POGLUT3: variants seen among roughly 807,000 people sequenced by gnomAD.
The protein encoded by POGLUT3 is protein O-glucosyltransferase 3, also known as KDEL (Lys-Asp-Glu-Leu) containing 2.
A neutral mutation model predicts 54.3 loss-of-function variants in POGLUT3; 48 were observed. The ratio of observed to expected loss-of-function variants is 0.88; its 90% CI spans 0.70 to 1.12. The LOEUF is 1.12. POGLUT3 is among the 50% of genes most tolerant of loss of function. The pLI, the probability that POGLUT3 is intolerant of heterozygous loss-of-function variation, is 0.00. For synonymous variants in POGLUT3, 218 were observed against 237.4 expected (o/e 0.92, Z 0.75); for missense variants, 629 against 618.7 (o/e 1.02, Z -0.18).
chr11:108,480,443 C>T (rs908477137), intron 5 of POGLUT3, among the ~76,000 whole-genome samples: 1 of 152,196 alleles, frequency 6.6e-6, no homozygotes, highest in Non-Finnish European at 1.5e-5. Flanking sequence ...GTATTATTAA[C>T]CCCTTCTTTT....
At chr11:108,486,102 T>A (rs1232367390) in intron 3 of POGLUT3, 55 bp downstream of exon 3, 7 of 1,363,134 alleles carry the variant, frequency 5.1e-6, no homozygotes, top group Non-Finnish European at 7.2e-6. Context: ...TTCTAAACAT[T>A]TAAATGTTAT....
At chr11:108,489,800 G>T (rs1464068893) in intron 2 of POGLUT3, among the ~76,000 whole-genome samples, 1 of 152,156 alleles carries the variant, frequency 6.6e-6, no homozygotes, top group Non-Finnish European at 1.5e-5. Context: ...TTTTTAATTA[G>T]CTGGGCATGG....
chr11:108,480,837 A>G (rs2093590903), intron 5 of POGLUT3, among the ~76,000 whole-genome samples: 1 of 152,112 alleles, frequency 6.6e-6, no homozygotes, highest in Non-Finnish European at 1.5e-5. Flanking sequence ...TTTATAAAAG[A>G]CATTTGAGAT....
chr11:108,493,241 T>A (rs1427183050), intron 1 of POGLUT3, among the ~76,000 whole-genome samples: 1 of 152,238 alleles, frequency 6.6e-6, no homozygotes, highest in Non-Finnish European at 1.5e-5. Flanking sequence ...AAAGTTACAT[T>A]TCAAAATGTA....
intron 5 of POGLUT3, among the ~76,000 whole-genome samples, chr11:108,480,896 A>AG (rs1431669739): frequency 1.3e-5 from 1 of 74,848 alleles, no homozygotes; most frequent in East Asian, 6.1e-4. Context: ...AAGCAAATAC[A>AG]AAAAAAAAAA....
At chr11:108,496,931 C>CTGTGCTTCTGCACA in intron 1 of POGLUT3, among the ~76,000 whole-genome samples, 1 of 152,392 alleles carries the variant, frequency 6.6e-6, no homozygotes, top group African/African-American at 2.4e-5. Context: ...TCCTACGCCT[C>CTGTGCTTCTGCACA]TGTGCTTCTG....
intron 1 of POGLUT3, among the ~76,000 whole-genome samples, chr11:108,493,458 A>T (rs2093616547): frequency 2.0e-5 from 3 of 152,218 alleles, no homozygotes; most frequent in African/African-American, 4.8e-5. Context: ...AATTCCTTCA[A>T]ATGGAAGGCA....
In POGLUT3 at chr11:108,474,913, CACGT is replaced by C; in HGVS notation, c.1434_1437del (p.Arg479MetfsTer47). On this transcript the variant is annotated frameshift_variant, in exon 8 of 8. Transcript: ENST00000323468. LOFTEE classifies it high-confidence loss of function. Reference sequence around the variant, plus strand: ...GGCTGAGGAACAAGTTCCATTCCATCACGTACTTCGGGTTTGCTGGACTGGCGCT... The same window carrying C: ...GGCTGAGGAACAAGTTCCATTCCATCACTTCGGGTTTGCTGGACTGGCGCT... 1 of 1,614,062 alleles carries C rather than the reference CACGT, an allele frequency of 6.2e-7. No individual in the cohort carries two copies. The highest frequency in any genetic ancestry group is 1.3e-5 in the African/African-American group (1 of 75,030).
intron 2 of POGLUT3, among the ~76,000 whole-genome samples, chr11:108,490,723 C>G (rs889820863): frequency 2.6e-5 from 4 of 151,996 alleles, no homozygotes; most frequent in Admixed American, 2.6e-4. Flanking sequence ...AAATATGGAT[C>G]TACACAAAGG....
Position 108,482,142 on chromosome 11 carries a change from G to T in POGLUT3, c.765C>A (p.Ser255Arg). Residue 255 changes from serine to arginine, a missense_variant, in exon 4 of 8, where the codon AGC becomes AGA. Ser to Arg is a moderately radical substitution (Grantham distance 110). Transcript: ENST00000323468. ...CACACCATGAAATGATAGGTATGGG[G>T]CTAGGGGTTCCATTGACTTTTCGAT... ...LEHRKVNGTP[S>R]PIPIISWCGS... The T allele has an allele frequency of 6.2e-7, 1 of 1,614,022 alleles. No individual in the cohort carries two copies. Among genetic ancestry groups the T allele is most frequent in the Non-Finnish European group, 8.5e-7 (1 of 1,179,910 alleles).
At chr11:108,475,268 C>G (rs1447441204) in intron 7 of POGLUT3, among the ~76,000 whole-genome samples, 1 of 152,106 alleles carries the variant, frequency 6.6e-6, no homozygotes. Flanking sequence ...TTATTTTCCA[C>G]TTGTTATTGA....
chr11:108,488,580 A>G (rs937153725), intron 2 of POGLUT3, among the ~76,000 whole-genome samples: 1 of 152,200 alleles, frequency 6.6e-6, no homozygotes. Context: ...GAAGCACTGC[A>G]CAGAGAGAAC....
Position 108,473,009 on chromosome 11 carries a change from G to A in POGLUT3, c.*1818C>T, listed in dbSNP as rs2093572703. Reference sequence around the variant, plus strand: ...TAACCACTTTAAAAATAGTTACATTGTTTTCCAGATTAAGTAAATATTTCA... The same window carrying A: ...TAACCACTTTAAAAATAGTTACATTATTTTCCAGATTAAGTAAATATTTCA... On this transcript the variant is annotated 3_prime_UTR_variant, in exon 8 of 8. Transcript: ENST00000323468. The A allele has an allele frequency of 6.6e-6, 1 of 152,098 alleles. No homozygotes were observed. Among genetic ancestry groups the A allele is most frequent in the Non-Finnish European group, 1.5e-5 (1 of 68,020 alleles). 9.4% of individuals were successfully genotyped at this position (152,098 alleles called of 1,614,324 possible).
intron 1 of POGLUT3, 137 bp from the exon 2 acceptor site, chr11:108,491,304 G>A (rs2093612880): frequency 2.8e-6 from 2 of 703,388 alleles, no homozygotes; most frequent in Admixed American, 5.3e-5. Flanking sequence ...CATTTCCTTT[G>A]GAAGATCTTT....
chr11:108,486,022 C>T, intron 3 of POGLUT3, 135 bp downstream of exon 3: 1 of 678,706 alleles, frequency 1.5e-6, no homozygotes, highest in Non-Finnish European at 2.5e-6. Context: ...ACATGATGAA[C>T]ACTCAGGTTG....
chr11:108,473,288 C>T lies in POGLUT3; in HGVS notation c.*1539G>A, dbSNP rs2093573492. ...GCCAGGCTGGTCTCAAACTCCTGACCTCAAAAGATCCGCCCATCTCGGCCT... is the reference window on the plus strand; with the variant it reads ...GCCAGGCTGGTCTCAAACTCCTGACTTCAAAAGATCCGCCCATCTCGGCCT... On this transcript the variant is annotated 3_prime_UTR_variant, in exon 8 of 8. Transcript: ENST00000323468. 1 of 152,230 alleles carries T rather than the reference C, an allele frequency of 6.6e-6. No homozygotes were observed. 9.4% of individuals were successfully genotyped at this position (152,230 alleles called of 1,614,324 possible).
In POGLUT3 at chr11:108,486,438, G is replaced by C; in HGVS notation, c.403C>G (p.Pro135Ala). 6.2e-7 allele frequency: 1 copy of C among 1,610,630 alleles called. No individual in the cohort carries two copies. Among genetic ancestry groups the C allele is most frequent in the African/African-American group, 1.3e-5 (1 of 74,860 alleles). ...CACTCACAGTACTCATGGTACACTG[G>C]TCCTAGGGAAGGAAAACATGAAAAA... Reference protein sequence around the residue: ...VAQSPYILKGPVYHEYCECPE... With the variant: ...VAQSPYILKGAVYHEYCECPE... The change falls in exon 3 of 8, where the codon CCA (proline) becomes GCA (alanine). Residue 135 changes from proline (P) to alanine (A), a missense_variant and splice_region_variant. Transcript: ENST00000323468.
chr11:108,478,871 A>G (rs1383242985), intron 6 of POGLUT3, among the ~76,000 whole-genome samples: 2 of 152,232 alleles, frequency 1.3e-5, no homozygotes, highest in African/African-American at 4.8e-5. Flanking sequence ...TTTTATAGGA[A>G]ACGTGATGCT....
intron 5 of POGLUT3, among the ~76,000 whole-genome samples, chr11:108,480,749 C>G (rs1343723291): frequency 6.6e-6 from 1 of 152,096 alleles, no homozygotes; most frequent in African/African-American, 2.4e-5. Context: ...TAGTTGGTGG[C>G]AGAGGCAGGA....
Sources: allele counts gnomAD v4.1 joint callset (sites outside exome capture counted in the v4.1 genomes callset), GRCh38; gene constraint gnomAD v4.1.1; transcripts MANE v1.5; gene names NCBI Gene and HGNC (gene_info 2026-07-23, HGNC 2026-07-21).